PHKB: variants seen among roughly 807,000 people sequenced by gnomAD.
The protein encoded by PHKB is phosphorylase b kinase regulatory subunit beta.
Under a neutral mutation model 152.1 loss-of-function variants are expected in PHKB, and 122 were observed. The ratio of observed to expected loss-of-function variants is 0.80; its 90% CI spans 0.69 to 0.93. The LOEUF (loss-of-function observed/expected upper bound fraction) is 0.93, where lower values mean the gene tolerates loss of function less well. PHKB is among the 40% of genes least tolerant of loss of function. PHKB has a pLI of 0.00. For missense variants in PHKB, 1,304 were observed against 1,328.4 expected (o/e 0.98, Z 0.29); for synonymous variants, 436 against 464.9 (o/e 0.94, Z 0.80).
chr16:47,682,321 G>A (rs1973875370), intron 26 of PHKB, among the ~76,000 whole-genome samples: 1 of 152,124 alleles, frequency 6.6e-6, no homozygotes, highest in Non-Finnish European at 1.5e-5. Context: ...TTGCTAGATT[G>A]GGGAAGTATT....
intron 5 of PHKB, among the ~76,000 whole-genome samples, chr16:47,512,163 T>C (rs1371871687): frequency 1.3e-5 from 2 of 152,156 alleles, no homozygotes; most frequent in Non-Finnish European, 2.9e-5. Flanking sequence ...AGCCCTGTCA[T>C]AGAAGATTTG....
chr16:47,516,741 C>T (rs572391464), intron 6 of PHKB, among the ~76,000 whole-genome samples: 6 of 152,056 alleles, frequency 3.9e-5, no homozygotes, highest in Admixed American at 3.9e-4. Flanking sequence ...TAGTCTCATA[C>T]AATAAATAAA....
At chr16:47,562,989 A>G (rs1567307444) in intron 7 of PHKB, among the ~76,000 whole-genome samples, 1 of 152,132 alleles carries the variant, frequency 6.6e-6, no homozygotes, top group African/African-American at 2.4e-5. Flanking sequence ...TTGCTCATCC[A>G]TAAGAATCAA....
intron 29 of PHKB, among the ~76,000 whole-genome samples, chr16:47,697,174 A>G (rs552924675): frequency 6.6e-6 from 1 of 152,216 alleles, no homozygotes; most frequent in Non-Finnish European, 1.5e-5. Flanking sequence ...GCATGTATCC[A>G]TCCGACTTTT....
chr16:47,536,477 C>T lies in PHKB; in HGVS notation c.595-10956C>T, dbSNP rs1050458826. ...CATTTCTGAGCTCAGAGAAGTTATACAGGACCACAGTTTCTTATGTGAAAA... is the reference window on the plus strand; with the variant it reads ...CATTTCTGAGCTCAGAGAAGTTATATAGGACCACAGTTTCTTATGTGAAAA... On this transcript the variant is annotated intron_variant, in intron 6 of 30. Coordinates refer to ENST00000323584, the MANE Select transcript of PHKB (RefSeq NM_000293.3). Among the ~76,000 whole-genome samples, 4 of 152,306 alleles carry T rather than the reference C, an allele frequency of 2.6e-5. No homozygotes were observed. The East Asian group carries it at 7.7e-4, about 29-fold the overall frequency.
chr16:47,540,819 G>GTT (rs75589113), intron 6 of PHKB, among the ~76,000 whole-genome samples: 1,061 of 64,270 alleles, frequency 0.017, 22 homozygotes, highest in African/African-American at 0.02. Flanking sequence ...TAAATGTCCT[G>GTT]TTTTTTTTTT....
intron 6 of PHKB, among the ~76,000 whole-genome samples, chr16:47,521,305 C>T (rs1467151872): frequency 6.6e-6 from 1 of 152,126 alleles, no homozygotes; most frequent in African/African-American, 2.4e-5. Flanking sequence ...TGCGAGTGGA[C>T]ATCCTTGTCT....
chr16:47,623,844 C>A (rs1336214186), intron 14 of PHKB, among the ~76,000 whole-genome samples: 1 of 152,124 alleles, frequency 6.6e-6, no homozygotes, highest in East Asian at 1.9e-4. Context: ...AGGCGTGAGC[C>A]ACCTCGCCCA....
chr16:47,593,127 G>C (rs921073360), intron 10 of PHKB, among the ~76,000 whole-genome samples: 3 of 148,170 alleles, frequency 2.0e-5, no homozygotes, highest in Non-Finnish European at 1.5e-5. Context: ...GGGAGGGAGA[G>C]AGAGAGAGAG....
chr16:47,514,158 A>C (rs1326242273), intron 5 of PHKB, among the ~76,000 whole-genome samples: 1 of 142,336 alleles, frequency 7.0e-6, no homozygotes, highest in Non-Finnish European at 1.5e-5. Context: ...TTCAAGATGT[A>C]TTGGTCAGGA....
intron 1 of PHKB, among the ~76,000 whole-genome samples, chr16:47,484,590 G>T (rs1355622103): frequency 1.3e-5 from 2 of 152,060 alleles, no homozygotes; most frequent in African/African-American, 2.4e-5. Flanking sequence ...TTTTGGTGAG[G>T]TTTCATAGTA....
intron 14 of PHKB, among the ~76,000 whole-genome samples, chr16:47,624,172 C>G (rs1972668215): frequency 6.6e-6 from 1 of 151,956 alleles, no homozygotes; most frequent in Non-Finnish European, 1.5e-5. Flanking sequence ...TATTGTTTCC[C>G]CAACCTTATT....
chr16:47,618,987 C>T (rs1175792807), intron 14 of PHKB: 1 of 152,086 alleles, frequency 6.6e-6, no homozygotes, highest in East Asian at 1.9e-4. Flanking sequence ...TTGACAGGAC[C>T]AGAGAATAGA....
At chr16:47,473,754 T>C (rs968373239) in intron 1 of PHKB, among the ~76,000 whole-genome samples, 2 of 152,198 alleles carry the variant, frequency 1.3e-5, no homozygotes, top group South Asian at 4.1e-4. Flanking sequence ...TGACAAATAG[T>C]AATTGTATAT....
At chr16:47,682,675 T>C (rs193038576) in intron 26 of PHKB, among the ~76,000 whole-genome samples, 241 of 152,332 alleles carry the variant, frequency 1.6e-3, no homozygotes, top group Non-Finnish European at 1.4e-3. Flanking sequence ...TAATCTTTTT[T>C]CACAGTTTTT....
chr16:47,534,671 C>T (rs1970920530), intron 6 of PHKB, among the ~76,000 whole-genome samples: 1 of 152,142 alleles, frequency 6.6e-6, no homozygotes, highest in Non-Finnish European at 1.5e-5. Context: ...TATTTATTAA[C>T]TACCAAGGGA....
chr16:47,664,650 A>G (rs1386184739), intron 24 of PHKB: 1 of 535,150 alleles, frequency 1.9e-6, no homozygotes, highest in Non-Finnish European at 3.4e-6. Context: ...GTAAGACATC[A>G]AGCCAATAAG....
chr16:47,511,613 T>G, intron 4 of PHKB, 52 bp from the exon 5 acceptor site: 1 of 1,250,166 alleles, frequency 8.0e-7, no homozygotes, highest in Non-Finnish European at 1.2e-6. Flanking sequence ...ATCTATAGTC[T>G]TGGATAAGTT....
In PHKB at chr16:47,641,584, C is replaced by T; in HGVS notation, c.1515-15C>T. 1.5e-6 allele frequency: 2 copies of T among 1,333,518 alleles called. No individual in the cohort carries two copies. The highest frequency in any genetic ancestry group is 2.2e-6 in the Non-Finnish European group (2 of 923,732). The allele number at this position is 1,333,518 out of a possible 1,614,324, so 82.6% of individuals were successfully genotyped here. Reference sequence around the variant, plus strand: ...ATTGTCTTAAAACGTCTCTTTTTATCCCTATGATCTTTAGACTTCAAGTTT... The same window carrying T: ...ATTGTCTTAAAACGTCTCTTTTTATTCCTATGATCTTTAGACTTCAAGTTT... On this transcript the variant is annotated splice_polypyrimidine_tract_variant and intron_variant, in intron 15 of 30. Transcript: ENST00000323584.
Sources: gnomAD v4.1 joint callset for allele counts (sites outside exome capture counted in the v4.1 genomes callset) on GRCh38, gnomAD v4.1.1 for gene constraint, MANE v1.5 for transcripts, NCBI Gene and HGNC (gene_info 2026-07-23, HGNC 2026-07-21) for gene names.